Variants in TBPL1 observed in about 807,000 individuals in gnomAD.
TBPL1 encodes the protein TATA box-binding protein-like 1.
TBPL1 carries 4 observed loss-of-function variants against 22.1 expected under a neutral mutation model. The observed-to-expected ratio is 0.18, with a 90% CI of 0.09 to 0.41. The LOEUF (loss-of-function observed/expected upper bound fraction) is 0.41, where lower values mean the gene tolerates loss of function less well. Among genes scored for constraint, TBPL1 ranks in the 10% least tolerant of loss-of-function variants. The probability of loss-of-function intolerance (pLI) is 1.00; values close to 1 mark genes in which losing one functional copy is unlikely to be tolerated. For synonymous variants in TBPL1, 64 were observed against 71.0 expected, an observed-to-expected ratio of 0.90 and a Z score of 0.50; for missense variants, 115 against 222.3, an observed-to-expected ratio of 0.52 and a Z score of 3.07.
chr6:133,986,937 CT>C, intron 6 of TBPL1, 23 bp from the exon 7 acceptor site: 1 of 1,551,116 alleles, frequency 6.4e-7, no homozygotes, highest in Admixed American at 1.9e-5. Flanking sequence ...CTTCTCACTC[CT>C]TCCTCCATTG....
At chr6:133,961,886 C>T (rs534141800) in intron 1 of TBPL1, among the ~76,000 whole-genome samples, 12 of 152,226 alleles carry the variant, frequency 7.9e-5, no homozygotes, top group Non-Finnish European at 4.4e-5. Context: ...ATTATTTTGT[C>T]AGCCTATTTG....
chr6:133,977,828 C>T (rs1208708493), intron 1 of TBPL1, among the ~76,000 whole-genome samples: 4 of 152,162 alleles, frequency 2.6e-5, no homozygotes, highest in South Asian at 2.1e-4. Context: ...TCCTCATTGT[C>T]TCGTGGTGCA....
At chr6:133,972,747 A>G (rs17063219) in intron 1 of TBPL1, among the ~76,000 whole-genome samples, 1 of 152,124 alleles carries the variant, frequency 6.6e-6, no homozygotes, top group African/African-American at 2.4e-5. Context: ...TTTTGCATCA[A>G]TTCATTAAAT....
intron 6 of TBPL1, among the ~76,000 whole-genome samples, chr6:133,986,707 A>G (rs1320870432): frequency 6.6e-6 from 1 of 152,154 alleles, no homozygotes; most frequent in Non-Finnish European, 1.5e-5. Flanking sequence ...TTAGTCCATG[A>G]TAGTTTGTAT....
chr6:133,954,840 T>TATTA (rs1269499329), intron 1 of TBPL1, among the ~76,000 whole-genome samples: 2 of 152,156 alleles, frequency 1.3e-5, no homozygotes, highest in Admixed American at 6.5e-5. Flanking sequence ...TCTAGTGACC[T>TATTA]ATTACTATGT....
intron 2 of TBPL1, 98 bp from the exon 3 acceptor site, chr6:133,982,470 C>A: frequency 9.8e-7 from 1 of 1,016,050 alleles, no homozygotes; most frequent in Non-Finnish European, 1.4e-6. Context: ...CTTGGATAAG[C>A]TTGGAGAGTA....
At chr6:133,982,680 T>C in intron 3 of TBPL1, 30 bp downstream of exon 3, 1 of 1,600,288 alleles carries the variant, frequency 6.2e-7, no homozygotes, top group Non-Finnish European at 8.5e-7. Context: ...TTTGTTTTTA[T>C]TTTTTACTTT....
intron 1 of TBPL1, among the ~76,000 whole-genome samples, chr6:133,961,064 C>T (rs1206575223): frequency 6.6e-6 from 1 of 151,974 alleles, no homozygotes; most frequent in African/African-American, 2.4e-5. Flanking sequence ...TATAATATAC[C>T]AGAAAGTGAA....
intron 1 of TBPL1, among the ~76,000 whole-genome samples, chr6:133,967,794 C>G (rs532268260): frequency 7.2e-5 from 11 of 152,266 alleles, no homozygotes; most frequent in Middle Eastern, 3.4e-3. Flanking sequence ...CATTAGTATT[C>G]AAGGAAAATC....
intron 1 of TBPL1, among the ~76,000 whole-genome samples, chr6:133,977,136 A>G (rs550248937): frequency 6.6e-6 from 1 of 152,284 alleles, no homozygotes; most frequent in Admixed American, 6.5e-5. Flanking sequence ...ACTGATTGCA[A>G]GTGGACCTTT....
In TBPL1 at chr6:133,987,145, C is replaced by CT. The variant is rs1157194061; in HGVS notation, c.*109dup. On this transcript the variant is annotated 3_prime_UTR_variant, in exon 7 of 7. Coordinates refer to ENST00000237264, the MANE Select transcript of TBPL1 (RefSeq NM_004865.4). ...CCAACAATAATTGAGGAAATAGACT[C>CT]TTTTATTCATTCACGGCTACAGTGT... 7 of 665,956 alleles carry CT rather than the reference C, an allele frequency of 1.1e-5. No homozygotes were observed. The East Asian group carries it at 2.1e-4, about 20-fold the overall frequency. The allele number at this position is 665,956 out of a possible 1,614,324, so 41.3% of individuals were successfully genotyped here.
At chr6:133,970,342 G>T (rs1460396494) in intron 1 of TBPL1, among the ~76,000 whole-genome samples, 1 of 152,050 alleles carries the variant, frequency 6.6e-6, no homozygotes, top group Non-Finnish European at 1.5e-5. Context: ...GATAAATTCT[G>T]GATACTGTAG....
At chr6:133,985,335 T>TAC (rs1282954131) in intron 6 of TBPL1, among the ~76,000 whole-genome samples, 18 of 106,594 alleles carry the variant, frequency 1.7e-4, no homozygotes, top group African/African-American at 6.5e-4. Flanking sequence ...TATATATATA[T>TAC]ATACACACAT....
Position 133,967,413 on chromosome 6 carries a change from G to A in TBPL1, c.-44-12669G>A, listed in dbSNP as rs538173276. Reference sequence around the variant, plus strand: ...AGAAATCTTAGAAGGAAAATGAACAGAAGATAGGAGGCAGCTAACTTTAAA... The same window carrying A: ...AGAAATCTTAGAAGGAAAATGAACAAAAGATAGGAGGCAGCTAACTTTAAA... On this transcript the variant is annotated intron_variant, in intron 1 of 6. Transcript: ENST00000237264. Among the ~76,000 whole-genome samples, 10 of 152,314 alleles carry A rather than the reference G, an allele frequency of 6.6e-5. No homozygotes were observed. The South Asian group carries it at 2.1e-3, about 32-fold the overall frequency.
rs1775871107 is a variant in TBPL1, at chr6:133,953,358, C to G, written c.-112C>G. 6.5e-6 allele frequency: 1 copy of G among 153,054 alleles called. No homozygotes were observed. Among genetic ancestry groups the G allele is most frequent in the South Asian group, 2.1e-4 (1 of 4,838 alleles). 9.5% of individuals were successfully genotyped at this position (153,054 alleles called of 1,614,324 possible). A position where few individuals can be genotyped will look rare whatever the true frequency, so the allele number is the denominator to read the frequency against. ...CCTCATCCTTGTCCTCCAGCTTCTC[C>G]TTCGCATCCGACGCAACCGGCAGCA... On this transcript the variant is annotated 5_prime_UTR_variant, in exon 1 of 7. Transcript: ENST00000237264.
At chr6:133,954,427 G>A (rs1168359805) in intron 1 of TBPL1, among the ~76,000 whole-genome samples, 1 of 152,216 alleles carries the variant, frequency 6.6e-6, no homozygotes, top group Non-Finnish European at 1.5e-5. Context: ...TTGAGAAAAT[G>A]GCAGTTCCTT....
At chr6:133,981,162 G>A (rs891025864) in intron 2 of TBPL1, among the ~76,000 whole-genome samples, 1 of 151,814 alleles carries the variant, frequency 6.6e-6, no homozygotes, top group Non-Finnish European at 1.5e-5. Context: ...TAGTAGAGAC[G>A]GGGTTTCACC....
chr6:133,962,814 A>G (rs556305054), intron 1 of TBPL1, among the ~76,000 whole-genome samples: 15 of 152,332 alleles, frequency 9.8e-5, no homozygotes, highest in East Asian at 1.9e-4. Flanking sequence ...TGTGTATACA[A>G]TTTCAGGGGG....
At position 133,962,087 on chromosome 6, in the gene TBPL1, G is replaced by A. The variant is rs2268068; in HGVS notation, c.-45+8662G>A. Among the ~76,000 whole-genome samples, 1,260 of 152,190 alleles carry A rather than the reference G, an allele frequency of 8.3e-3. 36 individuals carry two copies. Among genetic ancestry groups the A allele is most frequent in the Admixed American group, 0.061 (935 of 15,272 alleles). On this transcript the variant is annotated intron_variant, in intron 1 of 6. Coordinates refer to ENST00000237264, the MANE Select transcript of TBPL1 (RefSeq NM_004865.4). ...GGACGATTTAGGCAGCTATAAAACCGCGAAACAGTCTGTTATTGGAAGAGG... is the reference window on the plus strand; with the variant it reads ...GGACGATTTAGGCAGCTATAAAACCACGAAACAGTCTGTTATTGGAAGAGG...
Sources: gnomAD v4.1 joint callset for allele counts (sites outside exome capture counted in the v4.1 genomes callset) on GRCh38, gnomAD v4.1.1 for gene constraint, MANE v1.5 for transcripts, NCBI Gene and HGNC (gene_info 2026-07-23, HGNC 2026-07-21) for gene names.